Variants in TPD52 observed in about 807,000 individuals in gnomAD.
The protein encoded by TPD52 is prostate and colon associated protein.
In TPD52, 17 loss-of-function variants were observed where a neutral mutation model predicts 31.3. The ratio of observed to expected loss-of-function variants is 0.54; its 90% confidence interval spans 0.37 to 0.82. The LOEUF is 0.82. Ranked by LOEUF, TPD52 falls within the 40% of genes least tolerant of loss-of-function variation. The probability of loss-of-function intolerance (pLI) is 0.00; values close to 1 mark genes in which losing one functional copy is unlikely to be tolerated. For missense variants in TPD52, 212 were observed against 240.1 expected (o/e 0.88, Z 0.77); for synonymous variants, 83 against 89.6 (o/e 0.93, Z 0.42).
chr8:80,120,080 G>GTGTGTTATAA (rs1808150855), intron 1 of TPD52, among the ~76,000 whole-genome samples: 1 of 151,726 alleles, frequency 6.6e-6, no homozygotes, highest in Admixed American at 6.5e-5. Context: ...GTGACAGCCT[G>GTGTGTTATAA]AGAGAAAATA....
chr8:80,105,128 G>T (rs1387849974), intron 1 of TPD52, among the ~76,000 whole-genome samples: 1 of 151,928 alleles, frequency 6.6e-6, no homozygotes, highest in Non-Finnish European at 1.5e-5. Flanking sequence ...TTTTGTGATA[G>T]GGTCTCCCTC....
intron 1 of TPD52, among the ~76,000 whole-genome samples, chr8:80,160,665 C>A (rs1457175042): frequency 3.9e-5 from 6 of 151,996 alleles, no homozygotes; most frequent in Non-Finnish European, 2.9e-5. Flanking sequence ...ATACTGCTTG[C>A]CCTTCTGAAA....
chr8:80,087,324 A>G (rs953964174), intron 1 of TPD52, among the ~76,000 whole-genome samples: 1 of 152,186 alleles, frequency 6.6e-6, no homozygotes, highest in Non-Finnish European at 1.5e-5. Context: ...TTGTTGGCAC[A>G]TATACACCAT....
chr8:80,052,793 C>A, intron 3 of TPD52: 1 of 450,624 alleles, frequency 2.2e-6, no homozygotes, highest in Admixed American at 4.2e-5. Flanking sequence ...AGACTACGAC[C>A]TGAGAATCTT....
At chr8:80,119,787 A>T (rs1463648513) in intron 1 of TPD52, 1 of 365,242 alleles carries the variant, frequency 2.7e-6, no homozygotes, top group Non-Finnish European at 5.3e-6. Flanking sequence ...CACAAATATA[A>T]AGGAATTTAA....
intron 1 of TPD52, among the ~76,000 whole-genome samples, chr8:80,070,462 G>A (rs1158759539): frequency 6.6e-6 from 1 of 152,086 alleles, no homozygotes; most frequent in African/African-American, 2.4e-5. Context: ...GATTTTGAGA[G>A]GAAACTGTTC....
chr8:80,098,719 A>T (rs1806512016), intron 1 of TPD52, among the ~76,000 whole-genome samples: 1 of 152,268 alleles, frequency 6.6e-6, no homozygotes. Context: ...ACATAAACTT[A>T]GTTGATAAAG....
chr8:80,111,688 G>A (rs4385506), intron 1 of TPD52, among the ~76,000 whole-genome samples: 56,756 of 152,024 alleles, frequency 0.37, 11,483 homozygotes, highest in East Asian at 0.72. Context: ...AAATGCATCT[G>A]ACTATAAAAT....
intron 1 of TPD52, among the ~76,000 whole-genome samples, chr8:80,086,092 G>GTT (rs144719737): frequency 7.9e-6 from 1 of 126,474 alleles, no homozygotes; most frequent in African/African-American, 2.9e-5. Context: ...GTTGCTTCGG[G>GTT]TTTTTTTGCT....
chr8:80,123,068 G>A (rs1411090341), intron 1 of TPD52: 1 of 152,470 alleles, frequency 6.6e-6, no homozygotes, highest in Admixed American at 6.5e-5. Flanking sequence ...TGAGCAGAAA[G>A]GCACCAGCTG....
rs549856572 is a variant in TPD52 at position 80,149,820 on chromosome 8, T to C, written c.19+21605A>G. ...GATTTGGGGTATCTGGCAGAAGAAA[T>C]TTCTAAGTGGCAAAGCACTCAAGAG... is the stretch of plus-strand genomic sequence containing the variant. On this transcript the variant is annotated intron_variant, in intron 1 of 7. Transcript: ENST00000518937. Among the ~76,000 whole-genome samples, 276 of 152,236 alleles carry C rather than the reference T, an allele frequency of 1.8e-3. 1 individual carries two copies. The highest frequency in any genetic ancestry group is 6.3e-3 in the African/African-American group (261 of 41,542).
intron 1 of TPD52, among the ~76,000 whole-genome samples, chr8:80,074,641 G>T (rs2130783219): frequency 6.6e-6 from 1 of 152,314 alleles, no homozygotes; most frequent in African/African-American, 2.4e-5. Flanking sequence ...AACCAAAAGA[G>T]TATCTACAAA....
chr8:80,070,140 G>A (rs1474314392), intron 1 of TPD52, among the ~76,000 whole-genome samples: 4 of 152,038 alleles, frequency 2.6e-5, no homozygotes, highest in Non-Finnish European at 5.9e-5. Context: ...TAAAAATGTA[G>A]AACCTACACT....
At chr8:80,127,914 A>G (rs571656021) in intron 1 of TPD52, among the ~76,000 whole-genome samples, 24 of 152,118 alleles carry the variant, frequency 1.6e-4, no homozygotes, top group Non-Finnish European at 3.5e-4. Flanking sequence ...GGACTCAAAA[A>G]TCAGGGAAGT....
intron 1 of TPD52, chr8:80,064,922 A>G: frequency 2.1e-6 from 1 of 481,344 alleles, no homozygotes; most frequent in South Asian, 1.6e-5. Context: ...AATTGCTGCA[A>G]AAGTAAATCA....
At chr8:80,116,225 T>C (rs550830641) in intron 1 of TPD52, among the ~76,000 whole-genome samples, 2 of 152,314 alleles carry the variant, frequency 1.3e-5, no homozygotes, top group East Asian at 3.9e-4. Flanking sequence ...TGGAACACTA[T>C]GTGGTCACTA....
intron 1 of TPD52, among the ~76,000 whole-genome samples, chr8:80,101,919 G>A (rs1806772507): frequency 6.6e-6 from 1 of 150,470 alleles, no homozygotes; most frequent in Non-Finnish European, 1.5e-5. Context: ...GTGAAATTGT[G>A]TGTGTGAGAG....
intron 1 of TPD52, among the ~76,000 whole-genome samples, chr8:80,148,120 T>C (rs531271348): frequency 6.6e-6 from 1 of 151,362 alleles, no homozygotes; most frequent in African/African-American, 2.4e-5. Flanking sequence ...AAAAAGTAAG[T>C]GGTATTTTAT....
chr8:80,063,383 A>G (rs1812759222), intron 2 of TPD52, among the ~76,000 whole-genome samples: 1 of 152,244 alleles, frequency 6.6e-6, no homozygotes, highest in Non-Finnish European at 1.5e-5. Context: ...AGGTATTGCC[A>G]GGGGCTGAAG....
Sources: gnomAD v4.1 joint callset for allele counts (sites outside exome capture counted in the v4.1 genomes callset) on GRCh38, gnomAD v4.1.1 for gene constraint, MANE v1.5 for transcripts, NCBI Gene and HGNC (gene_info 2026-07-23, HGNC 2026-07-21) for gene names.